NR6A1: variants seen among roughly 807,000 people sequenced by gnomAD.
NR6A1 encodes the protein nuclear receptor subfamily 6 group A member 1, also known as retinoic acid receptor-related testis-associated receptor.
NR6A1 carries 7 observed loss-of-function variants against 59.1 expected under a neutral mutation model. The ratio of observed to expected loss-of-function variants is 0.12; its 90% CI spans 0.07 to 0.22. The LOEUF (loss-of-function observed/expected upper bound fraction) is 0.22, where lower values mean the gene tolerates loss of function less well. Ranked by LOEUF, NR6A1 falls within the 10% of genes least tolerant of loss-of-function variation. NR6A1 has a pLI of 1.00. For missense variants in NR6A1, 468 were observed against 611.6 expected, an observed-to-expected ratio of 0.77 and a Z score of 2.48; for synonymous variants, 243 against 236.1, an observed-to-expected ratio of 1.03 and a Z score of -0.27.
intron 2 of NR6A1, among the ~76,000 whole-genome samples, chr9:124,631,723 CAT>C (rs1477650497): frequency 2.0e-5 from 3 of 152,082 alleles, no homozygotes; most frequent in African/African-American, 4.8e-5. Flanking sequence ...CACAGGTAAA[CAT>C]GTCTCATGGA....
intron 2 of NR6A1, among the ~76,000 whole-genome samples, chr9:124,564,488 A>T (rs1354873461): frequency 6.6e-6 from 1 of 152,216 alleles, no homozygotes; most frequent in Admixed American, 6.5e-5. Context: ...TGAAATACCC[A>T]AGGTGTAATC....
intron 2 of NR6A1, among the ~76,000 whole-genome samples, chr9:124,570,978 C>T (rs1834422508): frequency 6.6e-6 from 1 of 152,196 alleles, no homozygotes; most frequent in Admixed American, 6.5e-5. Context: ...CCTCTATGCC[C>T]TTTATGTATC....
chr9:124,765,542 C>T (rs1334429561), intron 1 of NR6A1, among the ~76,000 whole-genome samples: 8 of 152,086 alleles, frequency 5.3e-5, no homozygotes, highest in Admixed American at 6.6e-5. Context: ...ATTTTCACAA[C>T]GTATTTTCTC....
intron 2 of NR6A1, among the ~76,000 whole-genome samples, chr9:124,593,581 TG>T (rs984829468): frequency 7.2e-5 from 11 of 152,322 alleles, no homozygotes; most frequent in African/African-American, 2.6e-4. Context: ...TTATTTTTAG[TG>T]GGGGTTGCCT....
At chr9:124,557,630 AAATTTTAAAAATTAAAAC>A (rs1833967125) in intron 2 of NR6A1, among the ~76,000 whole-genome samples, 1 of 152,212 alleles carries the variant, frequency 6.6e-6, no homozygotes, top group Non-Finnish European at 1.5e-5. Flanking sequence ...TTACAATAGC[AAATTTTAAAAATTAAAAC>A]AGGTAAGGCC....
intron 2 of NR6A1, among the ~76,000 whole-genome samples, chr9:124,582,479 C>T (rs910997027): frequency 5.9e-5 from 9 of 151,994 alleles, no homozygotes; most frequent in African/African-American, 2.2e-4. Flanking sequence ...AGGCTTAATA[C>T]CTGGGTGATG....
Position 124,554,251 on chromosome 9 carries a change from T to A in NR6A1, c.385+77A>T, listed in dbSNP as rs1327603557. On this transcript the variant is annotated intron_variant, in intron 3 of 9. Transcript: ENST00000487099. Reference sequence around the variant, plus strand: ...TGATATGTAGTGCAAGCTTGAGGAATAAGTAACTAAACAGCTGACACTAAA... The same window carrying A: ...TGATATGTAGTGCAAGCTTGAGGAAAAAGTAACTAAACAGCTGACACTAAA... 6 of 1,601,510 alleles carry A rather than the reference T, an allele frequency of 3.7e-6. No homozygotes were observed. In the East Asian group the frequency reaches 1.3e-4, roughly 36 times the overall value.
At chr9:124,751,066 T>C (rs1840486027) in intron 1 of NR6A1, among the ~76,000 whole-genome samples, 1 of 1,000 alleles carries the variant, frequency 1.0e-3, no homozygotes, top group Non-Finnish European at 9.6e-3. Flanking sequence ...ACTTAAGTTG[T>C]TCCTCCCATC....
At chr9:124,687,213 C>T (rs1838361980) in intron 2 of NR6A1, among the ~76,000 whole-genome samples, 1 of 151,974 alleles carries the variant, frequency 6.6e-6, no homozygotes, top group African/African-American at 2.4e-5. Context: ...CCTCAAACTC[C>T]TGAACTCAAG....
Position 124,649,106 on chromosome 9 carries a change from T to A in NR6A1, c.142+84202A>T, listed in dbSNP as rs889095967. On this transcript the variant is annotated intron_variant, in intron 2 of 9. Transcript: ENST00000487099. Reference sequence around the variant, plus strand: ...AGAAATAGAAAAATCCTAAAATTCATATGAAACCTCAAAAGACCCCAAATA... The same window carrying A: ...AGAAATAGAAAAATCCTAAAATTCAAATGAAACCTCAAAAGACCCCAAATA... Among the ~76,000 whole-genome samples, 9 of 151,762 alleles carry A rather than the reference T, an allele frequency of 5.9e-5. 1 individual carries two copies. Among genetic ancestry groups the A allele is most frequent in the African/African-American group, 2.2e-4 (9 of 41,330 alleles).
intron 8 of NR6A1, among the ~76,000 whole-genome samples, chr9:124,526,061 G>A (rs1832925445): frequency 6.6e-6 from 1 of 152,190 alleles, no homozygotes; most frequent in African/African-American, 2.4e-5. Flanking sequence ...GACTGGAAAT[G>A]GGACACAGGA....
chr9:124,562,904 T>C (rs947589249), intron 2 of NR6A1, among the ~76,000 whole-genome samples: 2 of 152,178 alleles, frequency 1.3e-5, no homozygotes, highest in African/African-American at 4.8e-5. Flanking sequence ...CATCTCCACA[T>C]CATTTAGCAA....
At chr9:124,633,489 T>C (rs1836508395) in intron 2 of NR6A1, among the ~76,000 whole-genome samples, 1 of 151,122 alleles carries the variant, frequency 6.6e-6, no homozygotes, top group Non-Finnish European at 1.5e-5. Flanking sequence ...GACACAGCTG[T>C]AGTGTTCTGC....
At chr9:124,698,437 C>G (rs967242757) in intron 2 of NR6A1, 6 of 152,130 alleles carry the variant, frequency 3.9e-5, no homozygotes, top group Admixed American at 2.0e-4. Context: ...GTAACAGGCT[C>G]TCGATCCGTG....
chr9:124,748,669 G>A (rs1337430439), intron 1 of NR6A1, among the ~76,000 whole-genome samples: 2 of 150,292 alleles, frequency 1.3e-5, no homozygotes, highest in Non-Finnish European at 1.5e-5. Context: ...GACCATCCTG[G>A]CTAACACGGT....
chr9:124,607,934 T>C (rs894123361), intron 2 of NR6A1, among the ~76,000 whole-genome samples: 1 of 152,014 alleles, frequency 6.6e-6, no homozygotes, highest in South Asian at 2.1e-4. Context: ...CAGTCAGCCA[T>C]GGTGGCAGAC....
At chr9:124,526,687 C>T in intron 8 of NR6A1, 92 bp downstream of exon 8, 1 of 1,553,610 alleles carries the variant, frequency 6.4e-7, no homozygotes, top group South Asian at 1.2e-5. Flanking sequence ...GTGTGATAGT[C>T]CTGAGGGTAA....
rs577453858 is a variant in NR6A1, at chr9:124,561,414, C to T, written c.143-6844G>A. On this transcript the variant is annotated intron_variant, in intron 2 of 9. Coordinates refer to ENST00000487099, the MANE Select transcript of NR6A1 (RefSeq NM_033334.4). ...GATCATGCCACTGCACTCCAGCCTA[C>T]GGGGCGGCGGAATGAGATCCCATTT... Among the ~76,000 whole-genome samples the T allele has an allele frequency of 1.4e-3, 215 of 151,670 alleles. 1 individual carries two copies. The highest frequency in any genetic ancestry group is 4.9e-3 in the African/African-American group (201 of 41,360).
At chr9:124,754,968 C>T (rs990086903) in intron 1 of NR6A1, among the ~76,000 whole-genome samples, 5 of 152,090 alleles carry the variant, frequency 3.3e-5, no homozygotes, top group Admixed American at 2.0e-4. Context: ...CAAAAAAATA[C>T]ATTAAAAAAT....
Sources: allele counts gnomAD v4.1 joint callset (sites outside exome capture counted in the v4.1 genomes callset), GRCh38; gene constraint gnomAD v4.1.1; transcripts MANE v1.5; gene names NCBI Gene and HGNC (gene_info 2026-07-23, HGNC 2026-07-21).